The following MVB12B variants were observed in gnomAD, a reference collection of about 807,000 sequenced individuals.
The protein encoded by MVB12B is multivesicular body subunit 12B.
A neutral mutation model predicts 41.6 loss-of-function variants in MVB12B; 16 were observed. That is an observed-to-expected ratio of 0.38 (90% CI 0.26 to 0.58). The LOEUF (loss-of-function observed/expected upper bound fraction) is 0.58, where lower values mean the gene tolerates loss of function less well. MVB12B is among the 20% of genes least tolerant of loss of function. MVB12B has a pLI of 0.62. For missense variants in MVB12B, 274 were observed against 380.2 expected (o/e 0.72, Z 2.32); for synonymous variants, 133 against 139.7 (o/e 0.95, Z 0.34).
rs541151296 is a variant in MVB12B, at chr9:126,386,333, G to A, written c.313-229G>A. On this transcript the variant is annotated intron_variant, in intron 3 of 9. Coordinates refer to ENST00000361171, the MANE Select transcript of MVB12B (RefSeq NM_033446.3). This position sits in a 1 kb window ranked among gnomAD's most constrained non-coding sequence, Gnocchi z 4.3. The stretch of plus-strand genomic sequence containing the variant: ...GGGTTGCTCCTGCCTCACCAAGGCC[G>A]TGTCTGAGTTGAGTGGCTTTGAGGT... Among the ~76,000 whole-genome samples the A allele has an allele frequency of 5.9e-5, 9 of 152,180 alleles. No homozygotes were observed. The highest frequency in any genetic ancestry group is 7.2e-5 in the African/African-American group (3 of 41,444).
At chr9:126,428,723 T>G (rs1588165158) in intron 7 of MVB12B, among the ~76,000 whole-genome samples, 1 of 152,198 alleles carries the variant, frequency 6.6e-6, no homozygotes, top group African/African-American at 2.4e-5. Flanking sequence ...GGGTGTGCCA[T>G]GTGCCTGTGG....
intron 9 of MVB12B, among the ~76,000 whole-genome samples, chr9:126,490,104 G>A (rs1484275406): frequency 6.6e-6 from 1 of 152,152 alleles, no homozygotes; most frequent in Non-Finnish European, 1.5e-5. Context: ...TGAGGAGATG[G>A]GTGTATAAAT....
At chr9:126,396,711 A>C in intron 6 of MVB12B, 1 of 985,394 alleles carries the variant, frequency 1.0e-6, no homozygotes, top group African/African-American at 1.7e-5. Flanking sequence ...CTATAAAGAC[A>C]ATCTGGTCCT....
chr9:126,390,104 A>C (rs1830904341), intron 4 of MVB12B, among the ~76,000 whole-genome samples: 1 of 152,106 alleles, frequency 6.6e-6, no homozygotes, highest in Non-Finnish European at 1.5e-5. Context: ...GTGCTGTTGA[A>C]TGTCTTACTT....
At position 126,391,672 on chromosome 9, in the gene MVB12B, C is replaced by T. The variant is rs1830958123; in HGVS notation, c.410-394C>T. 6.6e-6 allele frequency among the ~76,000 whole-genome samples: 1 copy of T among 152,162 alleles called. No homozygotes were observed. Among genetic ancestry groups the T allele is most frequent in the Non-Finnish European group, 1.5e-5 (1 of 68,036 alleles). ...ACACGTGGATTCATTCCACTGTTCT[C>T]TCTGCTTTGGGGTATGTTTGAAGAT... On this transcript the variant is annotated intron_variant, in intron 4 of 9. Coordinates refer to ENST00000361171, the MANE Select transcript of MVB12B (RefSeq NM_033446.3). This position sits in a 1 kb window ranked among gnomAD's most constrained non-coding sequence, Gnocchi z 4.4.
At chr9:126,397,740 A>G in intron 6 of MVB12B, 1 of 459,880 alleles carries the variant, frequency 2.2e-6, no homozygotes, top group Non-Finnish European at 2.9e-6. Flanking sequence ...TTGTTTTCCT[A>G]TCCAGTATCT....
intron 6 of MVB12B, among the ~76,000 whole-genome samples, chr9:126,401,266 T>G (rs1831261103): frequency 6.6e-6 from 1 of 152,144 alleles, no homozygotes; most frequent in African/African-American, 2.4e-5. Flanking sequence ...CCTCTTGGAG[T>G]GTCAGCCAGG....
chr9:126,383,860 G>A (rs1554772118), intron 3 of MVB12B, among the ~76,000 whole-genome samples: 2 of 151,836 alleles, frequency 1.3e-5, no homozygotes, highest in South Asian at 4.2e-4. Context: ...TTGATGCTTT[G>A]TTTTTAATGG....
At chr9:126,487,315 C>T (rs1564348660) in intron 9 of MVB12B, among the ~76,000 whole-genome samples, 2 of 152,220 alleles carry the variant, frequency 1.3e-5, no homozygotes, top group Non-Finnish European at 2.9e-5. Context: ...CCGTCACCAT[C>T]GTTACCGTTC....
intron 2 of MVB12B, among the ~76,000 whole-genome samples, chr9:126,368,955 T>C (rs1192273347): frequency 6.6e-6 from 1 of 152,204 alleles, no homozygotes; most frequent in East Asian, 1.9e-4. Flanking sequence ...ACATATGTCA[T>C]GTAGATCTTT....
chr9:126,350,802 C>T (rs540609326), intron 2 of MVB12B, among the ~76,000 whole-genome samples: 11 of 152,238 alleles, frequency 7.2e-5, no homozygotes, highest in South Asian at 4.2e-4. Flanking sequence ...TTTGAGGGGA[C>T]GTTCAAACTA....
At chr9:126,503,072 C>T (rs369587726) in intron 9 of MVB12B, 105 bp from the exon 10 acceptor site, 35 of 1,026,224 alleles carry the variant, frequency 3.4e-5, no homozygotes, top group Admixed American at 2.6e-4. Flanking sequence ...AGATGCCCCA[C>T]GAGGCGGCCC....
intron 6 of MVB12B, among the ~76,000 whole-genome samples, chr9:126,411,733 T>C (rs975781662): frequency 1.3e-5 from 2 of 148,628 alleles, no homozygotes; most frequent in African/African-American, 4.8e-5. Flanking sequence ...AAAATCAATA[T>C]GAAAAGAAAA....
In MVB12B at chr9:126,477,793, C is replaced by T. The variant is rs1171707218; in HGVS notation, c.758-3576C>T. ...TATATCAACAAGTTACTTTTTTATC[C>T]TTGATTTTTATTTAAAGCCCTAAAC... On this transcript the variant is annotated intron_variant, in intron 7 of 9. Coordinates refer to ENST00000361171, the MANE Select transcript of MVB12B (RefSeq NM_033446.3). Among the ~76,000 whole-genome samples the T allele has an allele frequency of 3.9e-5, 6 of 152,260 alleles. No individual in the cohort carries two copies. In the East Asian group the frequency reaches 1.2e-3, roughly 29 times the overall value.
intron 7 of MVB12B, among the ~76,000 whole-genome samples, chr9:126,439,496 A>G (rs905649793): frequency 3.3e-5 from 5 of 152,230 alleles, no homozygotes; most frequent in Admixed American, 1.3e-4. Flanking sequence ...CTTATTTTGT[A>G]TCTACTCTGG....
At chr9:126,352,181 A>C (rs1829770115) in intron 2 of MVB12B, among the ~76,000 whole-genome samples, 1 of 151,968 alleles carries the variant, frequency 6.6e-6, no homozygotes, top group Non-Finnish European at 1.5e-5. Context: ...TTTATGAGGG[A>C]TATTGATCTG....
intron 1 of MVB12B, among the ~76,000 whole-genome samples, chr9:126,331,271 G>A (rs1208109822): frequency 6.6e-6 from 1 of 152,158 alleles, no homozygotes; most frequent in African/African-American, 2.4e-5. Context: ...CTTGCGAACA[G>A]TTATTTTGTT....
chr9:126,436,984 A>G lies in MVB12B; in HGVS notation c.757+15036A>G, dbSNP rs1832496005. Among the ~76,000 whole-genome samples, 1 of 152,234 alleles carries G rather than the reference A, an allele frequency of 6.6e-6. No individual in the cohort carries two copies. Among genetic ancestry groups the G allele is most frequent in the Non-Finnish European group, 1.5e-5 (1 of 68,046 alleles). On this transcript the variant is annotated intron_variant, in intron 7 of 9. Coordinates refer to ENST00000361171, the MANE Select transcript of MVB12B (RefSeq NM_033446.3). This position sits in a 1 kb window ranked among gnomAD's most constrained non-coding sequence, Gnocchi z 4.1. Reference sequence around the variant, plus strand: ...CAGACCTCTGAAAACACAATTTATAACATGGCTTCTGCCCTTCCACAGAGA... The same window carrying G: ...CAGACCTCTGAAAACACAATTTATAGCATGGCTTCTGCCCTTCCACAGAGA...
At position 126,395,748 on chromosome 9, in the gene MVB12B, C is replaced by T; in HGVS notation, c.662+51C>T. ...GTTGTCCTGTGGTCTTAGGTCCCTG[C>T]ACAACATTTTAGAACACCACCACTT... On this transcript the variant is annotated intron_variant, in intron 6 of 9. Transcript: ENST00000361171. The surrounding 1 kb of genome is among the most constrained non-coding windows in gnomAD (Gnocchi z 4.9). 1 of 1,604,628 alleles carries T rather than the reference C, an allele frequency of 6.2e-7. No homozygotes were observed.
Sources: allele counts gnomAD v4.1 joint callset (sites outside exome capture counted in the v4.1 genomes callset), GRCh38; gene constraint gnomAD v4.1.1; non-coding constraint Gnocchi (gnomAD v3.1); transcripts MANE v1.5; gene names NCBI Gene and HGNC (gene_info 2026-07-23, HGNC 2026-07-21).